Variants in CPNE4 observed in about 807,000 individuals in gnomAD.
The protein encoded by CPNE4 is copine-4.
A neutral mutation model predicts 67.9 loss-of-function variants in CPNE4; 25 were observed. The ratio of observed to expected loss-of-function variants is 0.37; its 90% CI spans 0.27 to 0.51. The LOEUF is 0.51. CPNE4 is among the 20% of genes least tolerant of loss of function. CPNE4 has a pLI of 0.93. For synonymous variants in CPNE4, 242 were observed against 244.9 expected, an observed-to-expected ratio of 0.99 and a Z score of 0.11; for missense variants, 464 against 690.8, an observed-to-expected ratio of 0.67 and a Z score of 3.68.
chr3:131,574,195 T>C (rs919979161), intron 10 of CPNE4, among the ~76,000 whole-genome samples: 1 of 152,170 alleles, frequency 6.6e-6, no homozygotes, highest in Non-Finnish European at 1.5e-5. Context: ...GCTTCGTTAG[T>C]ACATTTCTGT....
At chr3:131,651,118 G>A (rs1413958749) in intron 7 of CPNE4, among the ~76,000 whole-genome samples, 1 of 152,114 alleles carries the variant, frequency 6.6e-6, no homozygotes, top group African/African-American at 2.4e-5. Flanking sequence ...AGGCAGAAAG[G>A]CAAAAGAGAG....
intron 15 of CPNE4, among the ~76,000 whole-genome samples, chr3:131,537,957 G>T (rs1258518196): frequency 6.6e-6 from 1 of 152,032 alleles, no homozygotes; most frequent in Non-Finnish European, 1.5e-5. Flanking sequence ...GGGACTGTCC[G>T]GTGCACTGCA....
At chr3:131,735,207 G>T (rs192023272) in intron 2 of CPNE4, among the ~76,000 whole-genome samples, 21 of 152,290 alleles carry the variant, frequency 1.4e-4, no homozygotes, top group Admixed American at 9.2e-4. Context: ...TATGGAACTA[G>T]GCCATGCCAG....
intron 7 of CPNE4, among the ~76,000 whole-genome samples, chr3:131,606,323 G>A (rs1472822247): frequency 1.3e-5 from 2 of 152,154 alleles, no homozygotes; most frequent in Non-Finnish European, 2.9e-5. Flanking sequence ...TTTTGTTTTA[G>A]AATAAGAGAA....
chr3:132,007,725 C>T (rs2073646190), intron 1 of CPNE4, among the ~76,000 whole-genome samples: 1 of 151,874 alleles, frequency 6.6e-6, no homozygotes. Flanking sequence ...ATGAATTATT[C>T]ATCATAAATT....
intron 1 of CPNE4, among the ~76,000 whole-genome samples, chr3:131,997,815 T>A (rs896935128): frequency 2.0e-5 from 3 of 152,120 alleles, no homozygotes; most frequent in African/African-American, 7.2e-5. Flanking sequence ...AATGCCAGGC[T>A]GCAGTGTTAA....
At chr3:131,641,153 A>G in intron 7 of CPNE4, among the ~76,000 whole-genome samples, 1 of 152,138 alleles carries the variant, frequency 6.6e-6, no homozygotes, top group Non-Finnish European at 1.5e-5. Context: ...CAGCAAAAAT[A>G]AAGATAAATG....
At chr3:131,846,436 G>T (rs917332900) in intron 2 of CPNE4, among the ~76,000 whole-genome samples, 10 of 152,030 alleles carry the variant, frequency 6.6e-5, no homozygotes, top group African/African-American at 2.4e-4. Flanking sequence ...GTGCTTTATT[G>T]TCAGAACTTT....
chr3:131,544,721 G>T (rs545135491), intron 14 of CPNE4, among the ~76,000 whole-genome samples: 1 of 152,236 alleles, frequency 6.6e-6, no homozygotes, highest in East Asian at 1.9e-4. Context: ...AGGAGTATAG[G>T]ACATACCAGA....
Position 131,617,091 on chromosome 3 carries a change from A to T in CPNE4, c.682-29509T>A, listed in dbSNP as rs569197219. Among the ~76,000 whole-genome samples the T allele has an allele frequency of 1.9e-4, 29 of 152,294 alleles. No individual in the cohort carries two copies. The South Asian group carries it at 5.8e-3, about 30-fold the overall frequency. ...GCCCCAAGGAAGCTGGTATTCTTTG[A>T]TTCATTAAACGGGAACTTACCTTGC... On this transcript the variant is annotated intron_variant, in intron 7 of 15. Coordinates refer to ENST00000429747, the MANE Select transcript of CPNE4 (RefSeq NM_130808.3).
At chr3:132,025,624 C>T (rs1432499476) in intron 1 of CPNE4, among the ~76,000 whole-genome samples, 1 of 152,206 alleles carries the variant, frequency 6.6e-6, no homozygotes, top group Non-Finnish European at 1.5e-5. Flanking sequence ...GGGTAATTAA[C>T]TACTAATAAG....
chr3:131,605,181 T>C (rs373860585), intron 7 of CPNE4, among the ~76,000 whole-genome samples: 1 of 152,216 alleles, frequency 6.6e-6, no homozygotes, highest in South Asian at 2.1e-4. Context: ...TTTGAATGAA[T>C]AGTTTTTGAG....
chr3:132,039,546 A>G (rs2074381401), upstream of CPNE4: 1 of 152,202 alleles, frequency 6.6e-6, no homozygotes, highest in African/African-American at 2.4e-5. Context: ...TCTATTAATG[A>G]CTGAAAAAGC....
At chr3:131,981,925 G>T (rs190695380) in intron 1 of CPNE4, among the ~76,000 whole-genome samples, 6 of 152,260 alleles carry the variant, frequency 3.9e-5, no homozygotes, top group Admixed American at 3.3e-4. Flanking sequence ...ACAGTTTTGG[G>T]GATGTCTCCC....
chr3:131,883,835 A>G (rs1285741109), intron 2 of CPNE4, among the ~76,000 whole-genome samples: 1 of 152,248 alleles, frequency 6.6e-6, no homozygotes, highest in South Asian at 2.1e-4. Context: ...TTCATCTTGC[A>G]TAACTGAAAC....
chr3:131,686,757 C>T (rs920193751), intron 5 of CPNE4, among the ~76,000 whole-genome samples: 4 of 152,282 alleles, frequency 2.6e-5, no homozygotes, highest in Admixed American at 6.5e-5. Context: ...AATTTCTTAG[C>T]TCTAGGTTTT....
upstream of CPNE4, among the ~76,000 whole-genome samples, chr3:132,036,637 GAA>G (rs1325924818): frequency 6.6e-6 from 1 of 152,098 alleles, no homozygotes; most frequent in Non-Finnish European, 1.5e-5. Flanking sequence ...GAAGAAGAAG[GAA>G]AAGTCATTGT....
At chr3:131,953,245 A>ATAT (rs767398343) in intron 1 of CPNE4, among the ~76,000 whole-genome samples, 1 of 140,588 alleles carries the variant, frequency 7.1e-6, no homozygotes, top group Non-Finnish European at 1.6e-5. Flanking sequence ...CAATTAAAAA[A>ATAT]AAAAAAAAAA....
chr3:131,772,949 G>A (rs954195866), intron 2 of CPNE4, among the ~76,000 whole-genome samples: 17 of 152,176 alleles, frequency 1.1e-4, no homozygotes, highest in African/African-American at 3.9e-4. Flanking sequence ...AAGTGATCAC[G>A]AATCCAAAAA....
Sources: gnomAD v4.1 joint callset for allele counts (sites outside exome capture counted in the v4.1 genomes callset) on GRCh38, gnomAD v4.1.1 for gene constraint, MANE v1.5 for transcripts, NCBI Gene and HGNC (gene_info 2026-07-23, HGNC 2026-07-21) for gene names.